Variants in PSMG3 observed in about 807,000 individuals in gnomAD.
PSMG3 encodes PAC-3.
A neutral mutation model predicts 7.9 loss-of-function variants in PSMG3; 4 were observed. The observed-to-expected ratio is 0.51, with a 90% confidence interval of 0.25 to 1.16. The LOEUF is 1.16. Among genes scored for constraint, PSMG3 ranks in the 50% most tolerant of loss-of-function variants. PSMG3 has a pLI of 0.15. For synonymous variants in PSMG3, 81 were observed against 69.8 expected, an observed-to-expected ratio of 1.16 and a Z score of -0.80; for missense variants, 151 against 157.4, an observed-to-expected ratio of 0.96 and a Z score of 0.22.
At chr7:1,568,353 C>T (rs567643212) in intron 1 of PSMG3, among the ~76,000 whole-genome samples, 1 of 152,188 alleles carries the variant, frequency 6.6e-6, no homozygotes, top group African/African-American at 2.4e-5. Context: ...AATGCTATCG[C>T]TGTAGGGGTA....
At position 1,569,226 on chromosome 7, in the gene PSMG3, C is replaced by G. The variant is rs774801138; in HGVS notation, c.114G>C (p.Gln38His). 2.5e-6 allele frequency: 4 copies of G among 1,613,802 alleles called. No homozygotes were observed. Among genetic ancestry groups the G allele is most frequent in the Non-Finnish European group, 3.4e-6 (4 of 1,180,046 alleles). ...FSSHILVVVTQFGKMGTLVSL... is the reference protein window; with the variant it reads ...FSSHILVVVTHFGKMGTLVSL... ...AGACCAGGGTGCCCATCTTCCCAAA[C>G]TGGGTCACCACCACCAGGATGTGAC... Residue 38 changes from glutamine (Q) to histidine (H), a missense_variant, in exon 1 of 2, where the codon CAG (glutamine) becomes CAC (histidine). Coordinates refer to ENST00000288607, the MANE Select transcript of PSMG3 (RefSeq NM_032302.4).
rs943700672 is a variant in PSMG3 at position 1,569,686 on chromosome 7, G to C, written c.-347C>G. 44 of 219,184 alleles carry C rather than the reference G, an allele frequency of 2.0e-4. No individual in the cohort carries two copies. Among genetic ancestry groups the C allele is most frequent in the African/African-American group, 8.3e-4 (36 of 43,330 alleles). The allele number at this position is 219,184 out of a possible 1,614,324, so 13.6% of individuals were successfully genotyped here. ...AGGCTGAGGCGGGAAGATCGCTTCA[G>C]CCCGGGAGGTCGAGGCTGCGGTGAG... On this transcript the variant is annotated 5_prime_UTR_variant, in exon 1 of 2. Coordinates refer to ENST00000288607, the MANE Select transcript of PSMG3 (RefSeq NM_032302.4).
chr7:1,568,101 T>A (rs1214200798), intron 1 of PSMG3, among the ~76,000 whole-genome samples: 2 of 152,004 alleles, frequency 1.3e-5, no homozygotes, highest in Non-Finnish European at 2.9e-5. Flanking sequence ...TCTGGCTCTC[T>A]CTCATCTAAA....
rs578208854 is a variant in PSMG3, at chr7:1,567,561, G to C, written c.*137C>G. The C allele has an allele frequency of 2.6e-6, 2 of 771,812 alleles. No homozygotes were observed. The highest frequency in any genetic ancestry group is 1.8e-5 in the South Asian group (1 of 56,120). The allele number at this position is 771,812 out of a possible 1,614,324, so 47.8% of individuals were successfully genotyped here. On this transcript the variant is annotated 3_prime_UTR_variant, in exon 2 of 2. Transcript: ENST00000288607. ...CAGAGTAAGAGTCTGCCTGAGACAC[G>C]AGTCTTTTTTCCTGGCTCCAAGGGC...
In PSMG3 at chr7:1,569,958, G is replaced by A. The variant is rs1583241696; in HGVS notation, c.-619C>T. On this transcript the variant is annotated 5_prime_UTR_variant, in exon 1 of 2. Coordinates refer to ENST00000288607, the MANE Select transcript of PSMG3 (RefSeq NM_032302.4). ...CGACACGCGGTGCCGAGGCCGGCCG[G>A]GCTACTGGGGACGCAGCCGCCCGGG... is the stretch of plus-strand genomic sequence containing the variant. 1 of 151,806 alleles carries A rather than the reference G, an allele frequency of 6.6e-6. No homozygotes were observed. Among genetic ancestry groups the A allele is most frequent in the African/African-American group, 2.4e-5 (1 of 41,386 alleles). The allele number at this position is 151,806 out of a possible 1,614,324, so 9.4% of individuals were successfully genotyped here. A position where few individuals can be genotyped will look rare whatever the true frequency, so the allele number is the denominator to read the frequency against.
At position 1,569,952 on chromosome 7, in the gene PSMG3, CG is replaced by C. The variant is rs980429994; in HGVS notation, c.-614del. 4.0e-5 allele frequency: 6 copies of C among 151,768 alleles called. No individual in the cohort carries two copies. The highest frequency in any genetic ancestry group is 1.4e-4 in the African/African-American group (6 of 41,384). 9.4% of individuals were successfully genotyped at this position (151,768 alleles called of 1,614,324 possible). On this transcript the variant is annotated 5_prime_UTR_variant, in exon 1 of 2. Coordinates refer to ENST00000288607, the MANE Select transcript of PSMG3 (RefSeq NM_032302.4). ...CCCCCACGACACGCGGTGCCGAGGCCGGCCGGGCTACTGGGGACGCAGCCGC... is the reference window on the plus strand; with the variant it reads ...CCCCCACGACACGCGGTGCCGAGGCCGCCGGGCTACTGGGGACGCAGCCGC...
chr7:1,569,217 C>T lies in PSMG3; in HGVS notation c.123G>A (p.Lys41=), dbSNP rs573973124. 3 of 1,613,746 alleles carry T rather than the reference C, an allele frequency of 1.9e-6. No homozygotes were observed. The highest frequency in any genetic ancestry group is 4.5e-5 in the East Asian group (2 of 44,890). The change falls in exon 1 of 2, where the codon AAG becomes AAA. Residue 41 remains lysine (K), a synonymous_variant. Transcript: ENST00000288607. ...HILVVVTQFG[K]MGTLVSLEPS... Reference sequence around the variant, plus strand: ...GCTCCAGGGAGACCAGGGTGCCCATCTTCCCAAACTGGGTCACCACCACCA... The same window carrying T: ...GCTCCAGGGAGACCAGGGTGCCCATTTTCCCAAACTGGGTCACCACCACCA...
At chr7:1,568,513 T>A (rs1308405641) in intron 1 of PSMG3, among the ~76,000 whole-genome samples, 3 of 151,930 alleles carry the variant, frequency 2.0e-5, no homozygotes, top group Non-Finnish European at 4.4e-5. Context: ...TCACCCAGGC[T>A]GGAGCGCAGT....
rs1264667643 is a variant in PSMG3 at position 1,569,107 on chromosome 7, C to T, written c.216+17G>A. ...GGTTACAGGCGTGAGCCACAGTTCC[C>T]GGCCAATCCACTTTACCTCATCCTG... is the stretch of plus-strand genomic sequence containing the variant. On this transcript the variant is annotated intron_variant, in intron 1 of 1. Transcript: ENST00000288607. 21 of 1,609,640 alleles carry T rather than the reference C, an allele frequency of 1.3e-5. No homozygotes were observed. Among genetic ancestry groups the T allele is most frequent in the East Asian group, 6.7e-5 (3 of 44,854 alleles).
intron 1 of PSMG3, among the ~76,000 whole-genome samples, chr7:1,568,884 G>A (rs1778822623): frequency 6.6e-6 from 1 of 152,212 alleles, no homozygotes; most frequent in African/African-American, 2.4e-5. Flanking sequence ...CTGACCTTAA[G>A]TGATCTGCCC....
At chr7:1,569,094 G>A (rs375387443) in intron 1 of PSMG3, 30 bp downstream of exon 1, 75 of 1,598,934 alleles carry the variant, frequency 4.7e-5, no homozygotes, top group Non-Finnish European at 5.8e-5. Context: ...TTACAGGCGT[G>A]AGCCACAGTT....
In PSMG3 at chr7:1,569,271, C is replaced by T. The variant is rs1382455968; in HGVS notation, c.69G>A (p.Val23=). 1.2e-6 allele frequency: 2 copies of T among 1,613,500 alleles called. No individual in the cohort carries two copies. Among genetic ancestry groups the T allele is most frequent in the African/African-American group, 1.3e-5 (1 of 74,954 alleles). ...TGTGACTGCTGAAGGCCGTACACAC[C>T]ACCTGGGTGGGGACCCCGCACACCA... The part of the protein sequence containing the change: ...TEVVCGVPTQ[V]VCTAFSSHIL... Residue 23 remains valine, a synonymous_variant, in exon 1 of 2, where the codon GTG becomes GTA. Transcript: ENST00000288607.
Position 1,569,328 on chromosome 7 carries a change from C to A in PSMG3, c.12G>T (p.Thr4=). The change falls in exon 1 of 2, where the codon ACG becomes ACT. Residue 4 remains threonine (T), a synonymous_variant. Transcript: ENST00000288607. MED[T]PLVISKQKTE... ...TCTTCTGCTTCGATATCACCAACGG[C>A]GTGTCTTCCATGGCGGGGCTCTGCA... 2 of 1,606,378 alleles carry A rather than the reference C, an allele frequency of 1.2e-6. No individual in the cohort carries two copies. The highest frequency in any genetic ancestry group is 1.7e-6 in the Non-Finnish European group (2 of 1,176,630).
At chr7:1,568,410 T>G (rs1304199547) in intron 1 of PSMG3, among the ~76,000 whole-genome samples, 1 of 151,960 alleles carries the variant, frequency 6.6e-6, no homozygotes, top group Non-Finnish European at 1.5e-5. Flanking sequence ...TCACAGCCAC[T>G]GGAGAGGTTT....
chr7:1,569,984 G>T lies in PSMG3; in HGVS notation c.-645C>A, dbSNP rs558433779. The T allele has an allele frequency of 3.3e-3, 497 of 152,040 alleles. 3 individuals are homozygous for T. The highest frequency in any genetic ancestry group is 0.011 in the African/African-American group (477 of 41,530). 9.4% of individuals were successfully genotyped at this position (152,040 alleles called of 1,614,324 possible). ...GCTACTGGGGACGCAGCCGCCCGGG[G>T]AAGCCCGCGGGTACCCGCGCTCACC... On this transcript the variant is annotated 5_prime_UTR_variant, in exon 1 of 2. Coordinates refer to ENST00000288607, the MANE Select transcript of PSMG3 (RefSeq NM_032302.4).
Position 1,567,795 on chromosome 7 carries a change from C to T in PSMG3, c.272G>A (p.Gly91Glu), listed in dbSNP as rs1220965486. ...CACGGCGAGGAGGACTGCTCTGTTTCCAGCTTCTTGAGACACAAACGCTAC... is the reference window on the plus strand; with the variant it reads ...CACGGCGAGGAGGACTGCTCTGTTTTCAGCTTCTTGAGACACAAACGCTAC... The part of the protein sequence containing the change: ...NLVAFVSQEA[G>E]NRAVLLAVAV... Residue 91 changes from glycine to glutamate, a missense_variant, in exon 2 of 2, where the codon GGA becomes GAA. Coordinates refer to ENST00000288607, the MANE Select transcript of PSMG3 (RefSeq NM_032302.4). 4 of 1,614,192 alleles carry T rather than the reference C, an allele frequency of 2.5e-6. No individual in the cohort carries two copies. Among genetic ancestry groups the T allele is most frequent in the Non-Finnish European group, 3.4e-6 (4 of 1,180,024 alleles).
chr7:1,569,547 C>T lies in PSMG3; in HGVS notation c.-208G>A, dbSNP rs1373654334. On this transcript the variant is annotated 5_prime_UTR_variant, in exon 1 of 2. Transcript: ENST00000288607. ...CTTTGGGAGGCCGAGACAGGACGAT[C>T]GTTGAGGCCAGGAATTCGAGACCAG... 9.9e-6 allele frequency: 4 copies of T among 402,284 alleles called. No individual in the cohort carries two copies. Among genetic ancestry groups the T allele is most frequent in the African/African-American group, 6.3e-5 (3 of 47,358 alleles). The allele number at this position is 402,284 out of a possible 1,614,324, so 24.9% of individuals were successfully genotyped here.
chr7:1,569,060 C>T (rs1778826686), intron 1 of PSMG3, 64 bp downstream of exon 1: 1 of 1,448,522 alleles, frequency 6.9e-7, no homozygotes, highest in Non-Finnish European at 9.6e-7. Flanking sequence ...GATCTGCCCG[C>T]CTAGGCCTCT....
rs1562571174 is a variant in PSMG3, at chr7:1,569,380, G to GA, written c.-42dup. 4 of 1,493,746 alleles carry GA rather than the reference G, an allele frequency of 2.7e-6. No individual in the cohort carries two copies. In the South Asian group the frequency reaches 3.7e-5, roughly 14 times the overall value. 92.5% of individuals were successfully genotyped at this position (1,493,746 alleles called of 1,614,324 possible). A position where few individuals can be genotyped will look rare whatever the true frequency, so the allele number is the denominator to read the frequency against. On this transcript the variant is annotated 5_prime_UTR_variant, in exon 1 of 2. An upstream open reading frame in the 5' UTR loses its in-frame stop. Transcript: ENST00000288607. ...TGGCAGCTTTAATTTAGGTTAAAAA[G>GA]AAAGGGGAAAAAAAGGAGTCAATCA...
Sources: allele counts gnomAD v4.1 joint callset (sites outside exome capture counted in the v4.1 genomes callset), GRCh38; gene constraint gnomAD v4.1.1; transcripts MANE v1.5; gene names NCBI Gene and HGNC (gene_info 2026-07-23, HGNC 2026-07-21).